Variants in DAB1 observed in about 807,000 individuals in gnomAD.
The protein encoded by DAB1 is DAB adaptor protein 1.
DAB1 carries 15 observed loss-of-function variants against 64.6 expected under a neutral mutation model. The ratio of observed to expected loss-of-function variants is 0.23; its 90% CI spans 0.16 to 0.36. The LOEUF (loss-of-function observed/expected upper bound fraction) is 0.36, where lower values mean the gene tolerates loss of function less well. Among genes scored for constraint, DAB1 ranks in the 10% least tolerant of loss-of-function variants. The pLI, the probability that DAB1 is intolerant of heterozygous loss-of-function variation, is 1.00. For synonymous variants in DAB1, 235 were observed against 251.9 expected, an observed-to-expected ratio of 0.93 and a Z score of 0.64; for missense variants, 596 against 706.7, an observed-to-expected ratio of 0.84 and a Z score of 1.78.
chr1:58,089,017 T>A (rs1333993822), intron 5 of DAB1, among the ~76,000 whole-genome samples: 1 of 152,250 alleles, frequency 6.6e-6, no homozygotes, highest in Non-Finnish European at 1.5e-5. Context: ...TAGTGTTTTA[T>A]AAGCCACAAC....
chr1:58,344,089 T>A (rs1643968790), intron 3 of DAB1, among the ~76,000 whole-genome samples: 1 of 152,044 alleles, frequency 6.6e-6, no homozygotes, highest in Non-Finnish European at 1.5e-5. Flanking sequence ...TGGATTTGAA[T>A]CCTGCTATGC....
rs1646106787 is a variant in DAB1 at position 57,639,866 on chromosome 1, C to T, written n.625+9726G>A. Among the ~76,000 whole-genome samples, 3 of 152,140 alleles carry T rather than the reference C, an allele frequency of 2.0e-5. No homozygotes were observed. In the South Asian group the frequency reaches 6.2e-4, roughly 31 times the overall value. On this transcript the variant is annotated intron_variant and non_coding_transcript_variant, in intron 7 of 20. Transcript: ENST00000485760. ...AAAACACAAACCATACAGAGTCCCA[C>T]GGAAATCACATTAGATAGGCCATCT... is the stretch of plus-strand genomic sequence containing the variant.
At chr1:57,997,098 C>A (rs1004911475) in intron 5 of DAB1, among the ~76,000 whole-genome samples, 2 of 152,146 alleles carry the variant, frequency 1.3e-5, no homozygotes, top group Non-Finnish European at 2.9e-5. Context: ...CATAAAAAAA[C>A]ACCTGAATCT....
At chr1:58,140,526 G>A (rs539363766) in intron 5 of DAB1, among the ~76,000 whole-genome samples, 3 of 152,162 alleles carry the variant, frequency 2.0e-5, no homozygotes, top group African/African-American at 7.2e-5. Flanking sequence ...CTGACCAGAT[G>A]CTACTTCTCC....
At chr1:58,427,387 T>C (rs1221355252) in intron 3 of DAB1, among the ~76,000 whole-genome samples, 1 of 152,012 alleles carries the variant, frequency 6.6e-6, no homozygotes, top group African/African-American at 2.4e-5. Flanking sequence ...TTTTATGATA[T>C]GGCTTTATTT....
At chr1:57,885,363 C>A (rs1348737568), upstream of DAB1, among the ~76,000 whole-genome samples, 1 of 152,170 alleles carries the variant, frequency 6.6e-6, no homozygotes, top group African/African-American at 2.4e-5. Context: ...AGGATTCTAG[C>A]CCCGGCACCC....
chr1:57,065,072 A>C (rs1306128400), intron 8 of DAB1, among the ~76,000 whole-genome samples: 1 of 152,168 alleles, frequency 6.6e-6, no homozygotes, highest in Non-Finnish European at 1.5e-5. Flanking sequence ...ATTATCCCTA[A>C]AAATGGAGAA....
At chr1:57,978,987 T>C (rs1182999994) in intron 5 of DAB1, among the ~76,000 whole-genome samples, 1 of 152,182 alleles carries the variant, frequency 6.6e-6, no homozygotes, top group Admixed American at 6.5e-5. Flanking sequence ...AGTTCAACCA[T>C]TGTGGAAGAC....
chr1:57,790,897 A>G (rs972044939), intron 6 of DAB1, among the ~76,000 whole-genome samples: 2 of 152,176 alleles, frequency 1.3e-5, no homozygotes, highest in Non-Finnish European at 2.9e-5. Flanking sequence ...ACTCACATGC[A>G]TGTGTACTCA....
chr1:57,641,390 T>TC (rs1558567748), intron 7 of DAB1, among the ~76,000 whole-genome samples: 1 of 141,504 alleles, frequency 7.1e-6, no homozygotes, highest in Admixed American at 7.2e-5. Context: ...TTTTTTTTTT[T>TC]TTTTTTTTTT....
intron 5 of DAB1, among the ~76,000 whole-genome samples, chr1:57,934,761 G>A (rs182064842): frequency 2.0e-5 from 3 of 152,246 alleles, no homozygotes; most frequent in African/African-American, 4.8e-5. Flanking sequence ...TCCTCACCGC[G>A]CAGTAGGGTT....
chr1:57,420,099 A>G (rs12062339), intron 1 of DAB1, among the ~76,000 whole-genome samples: 1,607 of 152,368 alleles, frequency 0.011, 35 homozygotes, highest in African/African-American at 0.036. Context: ...AAGTGTTCAA[A>G]GTGCCTATCA....
intron 5 of DAB1, among the ~76,000 whole-genome samples, chr1:57,906,198 ATGT>A (rs1644548767): frequency 6.6e-6 from 1 of 152,168 alleles, no homozygotes; most frequent in African/African-American, 2.4e-5. Context: ...GCCATTGTGT[ATGT>A]AGAAAAGTTT....
At chr1:57,669,475 G>T (rs764022441) in intron 6 of DAB1, among the ~76,000 whole-genome samples, 1 of 152,002 alleles carries the variant, frequency 6.6e-6, no homozygotes, top group Non-Finnish European at 1.5e-5. Context: ...CCCCCTGCCC[G>T]CCATGAAAAT....
At chr1:57,256,445 T>C (rs947054272) in intron 2 of DAB1, among the ~76,000 whole-genome samples, 1 of 152,176 alleles carries the variant, frequency 6.6e-6, no homozygotes, top group African/African-American at 2.4e-5. Flanking sequence ...ATGTCATGTC[T>C]TTAAGCAAGT....
At chr1:57,439,433 T>TTTTTTTG (rs1558381538) in intron 7 of DAB1, among the ~76,000 whole-genome samples, 2 of 131,986 alleles carry the variant, frequency 1.5e-5, no homozygotes, top group East Asian at 2.4e-4. Context: ...TTCTTTTTTT[T>TTTTTTTG]TTTTTTTTTT....
chr1:58,010,343 T>C (rs1646649380), intron 5 of DAB1, among the ~76,000 whole-genome samples: 1 of 152,146 alleles, frequency 6.6e-6, no homozygotes, highest in Admixed American at 6.6e-5. Context: ...AACATATACA[T>C]ACATCTGATA....
chr1:57,100,594 GA>G (rs1269758485), intron 4 of DAB1, among the ~76,000 whole-genome samples: 1 of 152,122 alleles, frequency 6.6e-6, no homozygotes, highest in Non-Finnish European at 1.5e-5. Flanking sequence ...TATAATGTGA[GA>G]AAAAAATGTT....
intron 3 of DAB1, among the ~76,000 whole-genome samples, chr1:58,367,378 C>T (rs1379169371): frequency 1.3e-5 from 2 of 152,222 alleles, no homozygotes; most frequent in African/African-American, 4.8e-5. Context: ...CATCCCAGGA[C>T]AGCAGCCAGC....
Sources: allele counts gnomAD v4.1 joint callset (sites outside exome capture counted in the v4.1 genomes callset), GRCh38; gene constraint gnomAD v4.1.1; transcripts MANE v1.5; gene names NCBI Gene and HGNC (gene_info 2026-07-23, HGNC 2026-07-21).